The following GULP1 variants were observed in gnomAD, a reference collection of about 807,000 sequenced individuals.
The protein encoded by GULP1 is GULP PTB domain containing engulfment adaptor 1.
In GULP1, 19 loss-of-function variants were observed where a neutral mutation model predicts 40.9. The observed-to-expected ratio is 0.46, with a 90% CI of 0.32 to 0.68. GULP1 has a LOEUF of 0.68. Ranked by LOEUF, GULP1 falls within the 30% of genes least tolerant of loss-of-function variation. The pLI is 0.03. For missense variants in GULP1, 312 were observed against 362.2 expected, an observed-to-expected ratio of 0.86 and a Z score of 1.12; for synonymous variants, 119 against 117.6, an observed-to-expected ratio of 1.01 and a Z score of -0.08.
chr2:188,593,835 G>T (rs2153479561), intron 11 of GULP1, 105 bp from the exon 12 acceptor site: 1 of 673,106 alleles, frequency 1.5e-6, no homozygotes, highest in South Asian at 1.8e-5. Context: ...TTTATTAGTT[G>T]ATCAAAGCAT....
At chr2:188,528,755 A>G (rs539987141) in intron 5 of GULP1, among the ~76,000 whole-genome samples, 1 of 152,312 alleles carries the variant, frequency 6.6e-6, no homozygotes, top group Non-Finnish European at 1.5e-5. Flanking sequence ...GATAATAACA[A>G]CAAAAGATTC....
chr2:188,366,801 G>A (rs945453154), intron 1 of GULP1, among the ~76,000 whole-genome samples: 1 of 151,976 alleles, frequency 6.6e-6, no homozygotes, highest in Non-Finnish European at 1.5e-5. Flanking sequence ...CACCGTGTTA[G>A]CCAGGATGGT....
At chr2:188,573,112 A>G (rs1274715506) in intron 9 of GULP1, among the ~76,000 whole-genome samples, 2 of 152,218 alleles carry the variant, frequency 1.3e-5, no homozygotes, top group South Asian at 2.1e-4. Context: ...ATTAAATGCT[A>G]AAATGTAAAA....
At chr2:188,477,083 A>G (rs1236623287) in intron 2 of GULP1, among the ~76,000 whole-genome samples, 1 of 152,102 alleles carries the variant, frequency 6.6e-6, no homozygotes, top group Non-Finnish European at 1.5e-5. Flanking sequence ...AGAGCACTAA[A>G]TTTAGATCCC....
chr2:188,504,142 T>C (rs1025850477), intron 4 of GULP1, among the ~76,000 whole-genome samples: 2 of 151,894 alleles, frequency 1.3e-5, no homozygotes, highest in African/African-American at 4.8e-5. Flanking sequence ...CACTCTTCTG[T>C]ACAGTAGAAG....
At chr2:188,549,979 C>A (rs777423290) in intron 7 of GULP1, among the ~76,000 whole-genome samples, 15 of 151,604 alleles carry the variant, frequency 9.9e-5, no homozygotes, top group Admixed American at 9.9e-4. Flanking sequence ...TATAAAACAG[C>A]AAGATGAAGG....
intron 2 of GULP1, among the ~76,000 whole-genome samples, chr2:188,413,341 T>C (rs986857089): frequency 1.1e-4 from 17 of 152,144 alleles, no homozygotes; most frequent in Non-Finnish European, 2.9e-5. Context: ...CCACATCCTC[T>C]CCAGCATCTG....
intron 1 of GULP1, among the ~76,000 whole-genome samples, chr2:188,323,871 C>G (rs1444199204): frequency 2.0e-5 from 3 of 151,826 alleles, no homozygotes; most frequent in South Asian, 2.1e-4. Flanking sequence ...GGCGTATCCT[C>G]TCAATTTTGC....
At chr2:188,374,095 C>A (rs1231087650) in intron 1 of GULP1, among the ~76,000 whole-genome samples, 1 of 151,962 alleles carries the variant, frequency 6.6e-6, no homozygotes, top group East Asian at 1.9e-4. Context: ...ATATATAATT[C>A]TTAAAATCTA....
intron 11 of GULP1, chr2:188,591,443 A>G (rs1703538835): frequency 6.6e-6 from 1 of 152,030 alleles, no homozygotes; most frequent in Non-Finnish European, 1.5e-5. Flanking sequence ...TGATGAAAAA[A>G]TAAGTATGAA....
intron 9 of GULP1, 111 bp downstream of exon 9, chr2:188,570,231 A>G (rs748053743): frequency 1.6e-6 from 1 of 614,386 alleles, no homozygotes; most frequent in Non-Finnish European, 2.9e-6. Context: ...ATTTCAAAGT[A>G]AACATGGATA....
Position 188,477,679 on chromosome 2 carries a change from A to G in GULP1, c.-24A>G, listed in dbSNP as rs200557671. 2 of 1,584,514 alleles carry G rather than the reference A, an allele frequency of 1.3e-6. No individual in the cohort carries two copies. The highest frequency in any genetic ancestry group is 1.7e-6 in the Non-Finnish European group (2 of 1,164,364). On this transcript the variant is annotated 5_prime_UTR_variant, in exon 3 of 12. Transcript: ENST00000409830. ...TACAGGATTTAAGTCGTGGAACTGA[A>G]CATTTATTTGGCTGATCCTCATCAT...
rs902251144 is a variant in GULP1, at chr2:188,566,735, C to T, written c.400-2504C>T. On this transcript the variant is annotated intron_variant, in intron 7 of 11. Transcript: ENST00000409830. The stretch of plus-strand genomic sequence containing the variant: ...CTCTTGAACTCGGGAGTGGAGGTTG[C>T]AGTGAGCTGAGATTGCGCCACTGCA... 1.4e-4 allele frequency among the ~76,000 whole-genome samples: 18 copies of T among 128,712 alleles called. No homozygotes were observed. The East Asian group carries it at 3.9e-3, about 28-fold the overall frequency. The allele number at this position is 128,712 out of a possible 152,430, so 84.4% of individuals were successfully genotyped here.
intron 6 of GULP1, among the ~76,000 whole-genome samples, chr2:188,533,358 A>G (rs964551914): frequency 1.3e-5 from 2 of 152,188 alleles, no homozygotes; most frequent in Non-Finnish European, 2.9e-5. Context: ...TTTTTTGACA[A>G]AGTCAACAAA....
Position 188,483,370 on chromosome 2 carries a change from T to C in GULP1, c.29-61T>C. On this transcript the variant is annotated intron_variant, in intron 3 of 11. Coordinates refer to ENST00000409830, the MANE Select transcript of GULP1 (RefSeq NM_016315.4). ...GTGTCCTAAATTACCATACAAATGG[T>C]AATGCGTGAATATGACACCATGGAA... The C allele has an allele frequency of 4.0e-6, 3 of 743,556 alleles. No individual in the cohort carries two copies. In the South Asian group the frequency reaches 5.3e-5, roughly 13 times the overall value. 46.1% of individuals were successfully genotyped at this position (743,556 alleles called of 1,614,324 possible). A position where few individuals can be genotyped will look rare whatever the true frequency, so the allele number is the denominator to read the frequency against.
chr2:188,303,080 C>A (rs34445909), intron 1 of GULP1, among the ~76,000 whole-genome samples: 85,084 of 151,926 alleles, frequency 0.56, 24,332 homozygotes, highest in East Asian at 0.9. Context: ...TTTTTCAACA[C>A]TAATTTTATA....
At chr2:188,451,212 A>G (rs1161263566) in intron 2 of GULP1, among the ~76,000 whole-genome samples, 2 of 152,196 alleles carry the variant, frequency 1.3e-5, no homozygotes, top group African/African-American at 4.8e-5. Context: ...ATGTTGTTTC[A>G]CTTTACCTGA....
At chr2:188,311,290 G>A (rs1360862172) in intron 1 of GULP1, among the ~76,000 whole-genome samples, 2 of 152,008 alleles carry the variant, frequency 1.3e-5, no homozygotes, top group South Asian at 4.1e-4. Flanking sequence ...TCCACATCCC[G>A]GGTTCAAGCG....
intron 1 of GULP1, among the ~76,000 whole-genome samples, chr2:188,352,622 A>ACACACACACACACG (rs1479254340): frequency 3.5e-5 from 5 of 144,322 alleles, no homozygotes; most frequent in African/African-American, 1.3e-4. Flanking sequence ...TCTCTCTCAC[A>ACACACACACACACG]CACACACACA....
Sources: gnomAD v4.1 joint callset for allele counts (sites outside exome capture counted in the v4.1 genomes callset) on GRCh38, gnomAD v4.1.1 for gene constraint, MANE v1.5 for transcripts, NCBI Gene and HGNC (gene_info 2026-07-23, HGNC 2026-07-21) for gene names.